SLAMF6: variants seen among roughly 807,000 people sequenced by gnomAD.
The protein encoded by SLAMF6 is NK-T-B-antigen.
Under a neutral mutation model 38.3 loss-of-function variants are expected in SLAMF6, and 21 were observed. The observed-to-expected ratio is 0.55, with a 90% CI of 0.39 to 0.79. The LOEUF (loss-of-function observed/expected upper bound fraction) is 0.79, where lower values mean the gene tolerates loss of function less well. Ranked by LOEUF, SLAMF6 falls within the 30% of genes least tolerant of loss-of-function variation. The pLI is 0.00. For synonymous variants in SLAMF6, 152 were observed against 146.3 expected, an observed-to-expected ratio of 1.04 and a Z score of -0.28; for missense variants, 341 against 385.3, an observed-to-expected ratio of 0.89 and a Z score of 0.96.
At chr1:160,517,097 T>C (rs1479054949) in intron 1 of SLAMF6, among the ~76,000 whole-genome samples, 1 of 152,160 alleles carries the variant, frequency 6.6e-6, no homozygotes, top group Non-Finnish European at 1.5e-5. Flanking sequence ...GAGAAAATTT[T>C]TGCAATCTAT....
At chr1:160,507,221 C>G (rs1320618078) in intron 1 of SLAMF6, among the ~76,000 whole-genome samples, 1 of 151,874 alleles carries the variant, frequency 6.6e-6, no homozygotes, top group Non-Finnish European at 1.5e-5. Context: ...AAGTAGTAAC[C>G]AAAAGAGAGT....
At chr1:160,508,524 A>C (rs1654310199) in intron 1 of SLAMF6, among the ~76,000 whole-genome samples, 1 of 152,238 alleles carries the variant, frequency 6.6e-6, no homozygotes, top group Non-Finnish European at 1.5e-5. Flanking sequence ...TGGATTAAAG[A>C]CTTAAATGTT....
At chr1:160,489,695 C>A (rs996818356) in intron 5 of SLAMF6, among the ~76,000 whole-genome samples, 1 of 152,168 alleles carries the variant, frequency 6.6e-6, no homozygotes, top group African/African-American at 2.4e-5. Flanking sequence ...TATGCCTTTT[C>A]CTCTGCAAGT....
At chr1:160,496,465 C>G in intron 1 of SLAMF6, 72 bp from the exon 2 acceptor site, 1 of 1,457,198 alleles carries the variant, frequency 6.9e-7, no homozygotes, top group Non-Finnish European at 9.4e-7. Context: ...ACCCTTTCAC[C>G]TAACGCTGCC....
At chr1:160,489,554 G>A (rs1653163788) in intron 5 of SLAMF6, among the ~76,000 whole-genome samples, 1 of 152,276 alleles carries the variant, frequency 6.6e-6, no homozygotes, top group Admixed American at 6.5e-5. Flanking sequence ...GCTTTTCAGA[G>A]GTCTCTACAG....
At chr1:160,503,599 GT>G (rs1654026510) in intron 1 of SLAMF6, among the ~76,000 whole-genome samples, 1 of 152,090 alleles carries the variant, frequency 6.6e-6, no homozygotes, top group African/African-American at 2.4e-5. Context: ...TGACTACTTT[GT>G]TGAAATTGCT....
intron 7 of SLAMF6, 145 bp from the exon 8 acceptor site, chr1:160,486,899 C>T: frequency 9.6e-7 from 1 of 1,036,984 alleles, no homozygotes; most frequent in East Asian, 2.6e-5. Flanking sequence ...AATTTAAAAA[C>T]ATGTAATTGA....
rs565693424 is a variant in SLAMF6 at position 160,498,777 on chromosome 1, T to A, written c.50-2384A>T. On this transcript the variant is annotated intron_variant, in intron 1 of 7. Transcript: ENST00000368057. The stretch of plus-strand genomic sequence containing the variant: ...CCATTCTGACTGGTGTGAGATGGTA[T>A]TTCATTGTGGTTTTGATTTGGATTT... Among the ~76,000 whole-genome samples, 15 of 152,304 alleles carry A rather than the reference T, an allele frequency of 9.8e-5. No homozygotes were observed. In the South Asian group the frequency reaches 3.1e-3, roughly 32 times the overall value.
intron 1 of SLAMF6, among the ~76,000 whole-genome samples, chr1:160,517,244 A>C (rs2102068132): frequency 6.6e-6 from 1 of 152,380 alleles, no homozygotes; most frequent in South Asian, 2.1e-4. Context: ...TCATGCAGCC[A>C]ACAAACATGA....
At chr1:160,503,681 C>G (rs1223578271) in intron 1 of SLAMF6, among the ~76,000 whole-genome samples, 1 of 152,000 alleles carries the variant, frequency 6.6e-6, no homozygotes, top group Non-Finnish European at 1.5e-5. Flanking sequence ...TCCATCCCTC[C>G]ACAAAAAACA....
At chr1:160,489,302 A>G (rs1653143203) in intron 5 of SLAMF6, 132 bp from the exon 6 acceptor site, 3 of 807,370 alleles carry the variant, frequency 3.7e-6, no homozygotes, top group South Asian at 1.6e-5. Flanking sequence ...CTGAGGGATC[A>G]TTCGTTCTTG....
intron 1 of SLAMF6, among the ~76,000 whole-genome samples, chr1:160,504,340 C>G (rs1172303737): frequency 6.6e-6 from 1 of 152,052 alleles, no homozygotes; most frequent in Non-Finnish European, 1.5e-5. Flanking sequence ...ACTAGGGTAA[C>G]CATTTCACTG....
intron 2 of SLAMF6, among the ~76,000 whole-genome samples, chr1:160,492,024 GGT>G (rs1416765895): frequency 6.6e-6 from 1 of 152,148 alleles, no homozygotes; most frequent in Admixed American, 6.5e-5. Context: ...AAGTGAATAA[GGT>G]GAGAAAGCAA....
At chr1:160,499,504 A>AT (rs1557940053) in intron 1 of SLAMF6, among the ~76,000 whole-genome samples, 2 of 151,970 alleles carry the variant, frequency 1.3e-5, no homozygotes, top group South Asian at 4.2e-4. Flanking sequence ...ATGTCTCTGG[A>AT]TTTTTTGTTT....
In SLAMF6 at chr1:160,486,628, C is replaced by T. The variant is rs1652975542; in HGVS notation, c.*79G>A. Reference sequence around the variant, plus strand: ...TTCTGTTGCCAGGAACAACAGGAACCAAGCTTCCTGTTCTTTGTTCTGTCT... The same window carrying T: ...TTCTGTTGCCAGGAACAACAGGAACTAAGCTTCCTGTTCTTTGTTCTGTCT... On this transcript the variant is annotated 3_prime_UTR_variant, in exon 8 of 8. Transcript: ENST00000368057. 5 of 1,445,422 alleles carry T rather than the reference C, an allele frequency of 3.5e-6. No individual in the cohort carries two copies. The highest frequency in any genetic ancestry group is 1.7e-4 in the Middle Eastern group (1 of 5,732). 89.5% of individuals were successfully genotyped at this position (1,445,422 alleles called of 1,614,324 possible).
At chr1:160,490,328 G>A in intron 4 of SLAMF6, 92 bp from the exon 5 acceptor site, 1 of 1,592,420 alleles carries the variant, frequency 6.3e-7, no homozygotes, top group East Asian at 2.2e-5. Flanking sequence ...GTGGTGGGAG[G>A]GGACCCAAAA....
chr1:160,503,821 A>G (rs1654036466), intron 1 of SLAMF6, among the ~76,000 whole-genome samples: 1 of 151,942 alleles, frequency 6.6e-6, no homozygotes, highest in Non-Finnish European at 1.5e-5. Flanking sequence ...GCAACTTAAA[A>G]ATGCTAGGAG....
chr1:160,506,355 G>T (rs1654189486), intron 1 of SLAMF6, among the ~76,000 whole-genome samples: 1 of 151,710 alleles, frequency 6.6e-6, no homozygotes, highest in Non-Finnish European at 1.5e-5. Context: ...AGGAGGCAGT[G>T]GGATGACATA....
At chr1:160,507,630 A>G (rs1220534183) in intron 1 of SLAMF6, among the ~76,000 whole-genome samples, 8 of 152,188 alleles carry the variant, frequency 5.3e-5, no homozygotes, top group Non-Finnish European at 1.5e-5. Context: ...AGGACAGACC[A>G]TATATTAGGC....
Sources: gnomAD v4.1 joint callset for allele counts (sites outside exome capture counted in the v4.1 genomes callset) on GRCh38, gnomAD v4.1.1 for gene constraint, MANE v1.5 for transcripts, NCBI Gene and HGNC (gene_info 2026-07-23, HGNC 2026-07-21) for gene names.